DPF2: variants seen among roughly 807,000 people sequenced by gnomAD.
DPF2 encodes double PHD fingers 2.
In DPF2, 10 loss-of-function variants were observed where a neutral mutation model predicts 59.6. The ratio of observed to expected loss-of-function variants is 0.17; its 90% confidence interval spans 0.10 to 0.28. The LOEUF (loss-of-function observed/expected upper bound fraction) is 0.28, where lower values mean the gene tolerates loss of function less well. Among genes scored for constraint, DPF2 ranks in the 10% least tolerant of loss-of-function variants. DPF2 has a pLI of 1.00. For synonymous variants in DPF2, 189 were observed against 190.6 expected (o/e 0.99, Z 0.07); for missense variants, 315 against 509.4 (o/e 0.62, Z 3.67).
chr11:65,333,915 A>C lies in DPF2; in HGVS notation c.29A>C (p.Lys10Thr), dbSNP rs774904053. 1 of 1,613,904 alleles carries C rather than the reference A, an allele frequency of 6.2e-7. No homozygotes were observed. The highest frequency in any genetic ancestry group is 8.5e-7 in the Non-Finnish European group (1 of 1,179,900). The change falls in exon 1 of 11, where the codon AAG becomes ACG. Residue 10 changes from lysine (K) to threonine (T), a missense_variant. Transcript: ENST00000528416. Reference sequence around the variant, plus strand: ...GCGGCTGTGGTGGAGAATGTAGTGAAGCTGTGAGTGGTCGTTTCTTTCTCT... The same window carrying C: ...GCGGCTGTGGTGGAGAATGTAGTGACGCTGTGAGTGGTCGTTTCTTTCTCT... MAAVVENVV[K>T]LLGEQYYKDA...
At chr11:65,340,869 C>G (rs941577336) in intron 2 of DPF2, 97 bp from the exon 3 acceptor site, 1 of 1,269,440 alleles carries the variant, frequency 7.9e-7, no homozygotes, top group Non-Finnish European at 1.1e-6. Flanking sequence ...CTCCCTTGCT[C>G]TAGAACTCAA....
chr11:65,338,500 A>T (rs1207756519), intron 1 of DPF2, among the ~76,000 whole-genome samples: 1 of 152,236 alleles, frequency 6.6e-6, no homozygotes, highest in Non-Finnish European at 1.5e-5. Flanking sequence ...TGTCCGTATC[A>T]ATTCCCATCA....
chr11:65,340,870 T>C, intron 2 of DPF2, 96 bp from the exon 3 acceptor site: 1 of 1,276,416 alleles, frequency 7.8e-7, no homozygotes, highest in Non-Finnish European at 1.1e-6. Context: ...TCCCTTGCTC[T>C]AGAACTCAAA....
chr11:65,344,870 A>G, intron 6 of DPF2: 1 of 528,136 alleles, frequency 1.9e-6, no homozygotes, highest in Non-Finnish European at 3.3e-6. Flanking sequence ...CTTCAGAAGC[A>G]TTATCAGGAG....
At chr11:65,344,511 C>T (rs2137700634) in intron 6 of DPF2, 4 of 1,446,670 alleles carry the variant, frequency 2.8e-6, no homozygotes, top group East Asian at 2.5e-5. Context: ...CTCTGCTTTC[C>T]TGCTGCTGCT....
At chr11:65,343,948 C>T in intron 5 of DPF2, 43 bp from the exon 6 acceptor site, 1 of 1,612,546 alleles carries the variant, frequency 6.2e-7, no homozygotes, top group Non-Finnish European at 8.5e-7. Flanking sequence ...ACTCCTCAGG[C>T]CCAGCTACCA....
chr11:65,344,828 C>G (rs1854480409), intron 6 of DPF2: 2 of 607,098 alleles, frequency 3.3e-6, no homozygotes, highest in Admixed American at 6.0e-5. Flanking sequence ...CAAACCTGCT[C>G]CTAGAGCTGC....
chr11:65,343,625 A>G, intron 4 of DPF2, 120 bp from the exon 5 acceptor site: 1 of 824,100 alleles, frequency 1.2e-6, no homozygotes, highest in Non-Finnish European at 2.0e-6. Flanking sequence ...GTGAGGAATG[A>G]GGCTGGTGTG....
intron 1 of DPF2, among the ~76,000 whole-genome samples, chr11:65,338,641 AGATT>A (rs1854277455): frequency 6.6e-6 from 1 of 152,146 alleles, no homozygotes; most frequent in African/African-American, 2.4e-5. Flanking sequence ...CTCCAACGTG[AGATT>A]CGTGCCTACC....
rs781003709 is a variant in DPF2, at chr11:65,353,790, T to C, written c.*2031T>C. Among the ~76,000 whole-genome samples the C allele has an allele frequency of 6.6e-6, 1 of 152,194 alleles. No individual in the cohort carries two copies. The highest frequency in any genetic ancestry group is 1.5e-5 in the Non-Finnish European group (1 of 68,028). On this transcript the variant is annotated 3_prime_UTR_variant, in exon 11 of 11. Transcript: ENST00000528416. The stretch of plus-strand genomic sequence containing the variant: ...GGCCTGCACTGTTATGTTCAATAAA[T>C]AAGCAGGGTGCTCTGGGCTGGGGAT...
Position 65,341,762 on chromosome 11 carries a change from A to T in DPF2, c.465+200A>T, listed in dbSNP as rs629710. On this transcript the variant is annotated intron_variant, in intron 4 of 10. Transcript: ENST00000528416. ...TGCTTCTAACTATAGACTCTCATTCATTCACTTTTATCACAGAAGGTTATT... is the reference window on the plus strand; with the variant it reads ...TGCTTCTAACTATAGACTCTCATTCTTTCACTTTTATCACAGAAGGTTATT... The T allele has an allele frequency of 5.0e-6, 3 of 604,350 alleles. No homozygotes were observed. The East Asian group carries it at 8.5e-5, about 17-fold the overall frequency. 37.4% of individuals were successfully genotyped at this position (604,350 alleles called of 1,614,324 possible).
chr11:65,339,191 T>C (rs969996438), intron 1 of DPF2, among the ~76,000 whole-genome samples: 3 of 151,990 alleles, frequency 2.0e-5, no homozygotes, highest in African/African-American at 7.3e-5. Context: ...GAGGATCACT[T>C]GAGCCAGGAG....
intron 4 of DPF2, 158 bp downstream of exon 4, chr11:65,341,720 C>A: frequency 1.0e-6 from 1 of 969,796 alleles, no homozygotes; most frequent in Non-Finnish European, 1.5e-6. Flanking sequence ...TTGTCAGGTA[C>A]TGACTGGCTT....
chr11:65,353,967 G>C lies in DPF2; in HGVS notation c.*2208G>C, dbSNP rs1427414193. Among the ~76,000 whole-genome samples the C allele has an allele frequency of 1.3e-5, 2 of 152,212 alleles. No homozygotes were observed. Among genetic ancestry groups the C allele is most frequent in the Non-Finnish European group, 2.9e-5 (2 of 68,040 alleles). On this transcript the variant is annotated 3_prime_UTR_variant, in exon 11 of 11. Coordinates refer to ENST00000528416, the MANE Select transcript of DPF2 (RefSeq NM_006268.5). The stretch of plus-strand genomic sequence containing the variant: ...AAATAAGAACGCTGTAGCAGGCCTA[G>C]GTGAGGAAATTTAGGAAGGGTTTGC...
At position 65,338,550 on chromosome 11, in the gene DPF2, C is replaced by G. The variant is rs138617598; in HGVS notation, c.33-1835C>G. 7.4e-3 allele frequency among the ~76,000 whole-genome samples: 1,125 copies of G among 152,332 alleles called. 9 individuals carry two copies. The highest frequency in any genetic ancestry group is 0.027 in the Middle Eastern group (8 of 294). On this transcript the variant is annotated intron_variant, in intron 1 of 10. Coordinates refer to ENST00000528416, the MANE Select transcript of DPF2 (RefSeq NM_006268.5). ...GCTGCCGCACTCAACCTTGTTTATC[C>G]AATTTTATTCTGTGTGGTGAAGACG...
intron 3 of DPF2, 134 bp downstream of exon 3, chr11:65,341,207 G>A (rs1429585684): frequency 2.0e-5 from 25 of 1,255,958 alleles, no homozygotes; most frequent in Admixed American, 1.1e-4. Context: ...TTCCTTTAAG[G>A]ACCTCAGTCT....
At chr11:65,337,628 G>A (rs1290057354) in intron 1 of DPF2, among the ~76,000 whole-genome samples, 1 of 150,222 alleles carries the variant, frequency 6.7e-6, no homozygotes, top group Non-Finnish European at 1.5e-5. Flanking sequence ...TTAAGAGACA[G>A]AGCCTCCCTC....
intron 1 of DPF2, among the ~76,000 whole-genome samples, chr11:65,335,104 C>G (rs1420871156): frequency 2.3e-5 from 3 of 130,094 alleles, no homozygotes; most frequent in Non-Finnish European, 4.8e-5. Flanking sequence ...AAGTTGCTTT[C>G]TGCTCTATCC....
chr11:65,348,610 G>GAA, intron 9 of DPF2: 2 of 358,408 alleles, frequency 5.6e-6, no homozygotes, highest in Admixed American at 5.5e-5. Context: ...TGGGCTTTAG[G>GAA]GAAAAAAAAA....
Sources: allele counts gnomAD v4.1 joint callset (sites outside exome capture counted in the v4.1 genomes callset), GRCh38; gene constraint gnomAD v4.1.1; transcripts MANE v1.5; gene names NCBI Gene and HGNC (gene_info 2026-07-23, HGNC 2026-07-21).